Variants in KIAA2012 observed in about 807,000 individuals in gnomAD.
The protein encoded by KIAA2012 is uncharacterized protein KIAA2012.
KIAA2012 carries 125 observed loss-of-function variants against 150.6 expected under a neutral mutation model. The observed-to-expected ratio is 0.83, with a 90% CI of 0.72 to 0.96. The LOEUF (loss-of-function observed/expected upper bound fraction) is 0.96, where lower values mean the gene tolerates loss of function less well. KIAA2012 is among the 40% of genes least tolerant of loss of function. KIAA2012 has a pLI of 0.00. For synonymous variants in KIAA2012, 462 were observed against 504.7 expected, an observed-to-expected ratio of 0.92 and a Z score of 1.13; for missense variants, 1,219 against 1,354.9, an observed-to-expected ratio of 0.90 and a Z score of 1.57.
chr2:202,118,558 G>A (rs1690580960), intron 11 of KIAA2012, among the ~76,000 whole-genome samples: 1 of 151,982 alleles, frequency 6.6e-6, no homozygotes, highest in Non-Finnish European at 1.5e-5. Flanking sequence ...GGCAGTTACT[G>A]TATAGTAACT....
At chr2:202,183,959 A>AT (rs1451722289) in intron 15 of KIAA2012, among the ~76,000 whole-genome samples, 1 of 152,046 alleles carries the variant, frequency 6.6e-6, no homozygotes, top group African/African-American at 2.4e-5. Flanking sequence ...TGTAGTTTAT[A>AT]TTTTTACTTG....
At position 202,133,126 on chromosome 2, in the gene KIAA2012, A is replaced by T. The variant is rs1187612214; in HGVS notation, c.1832-5306A>T. 1.2e-3 allele frequency among the ~76,000 whole-genome samples: 84 copies of T among 72,534 alleles called. 4 individuals carry two copies. Among genetic ancestry groups the T allele is most frequent in the African/African-American group, 4.1e-3 (74 of 17,890 alleles). 47.6% of individuals were successfully genotyped at this position (72,534 alleles called of 152,430 possible). On this transcript the variant is annotated intron_variant, in intron 12 of 23. Transcript: ENST00000498697. ...TAAAAAAAAATATATATATATATAT[A>T]TATATTTTTTTTTTTTCTGGAGAAT...
intron 15 of KIAA2012, among the ~76,000 whole-genome samples, chr2:202,174,761 T>G (rs1691958306): frequency 6.6e-6 from 1 of 152,238 alleles, no homozygotes; most frequent in South Asian, 2.1e-4. Context: ...TATTCATATA[T>G]ACTTGAGAAC....
chr2:202,078,040 C>G (rs1252826086), intron 2 of KIAA2012, among the ~76,000 whole-genome samples: 1 of 152,204 alleles, frequency 6.6e-6, no homozygotes, highest in Non-Finnish European at 1.5e-5. Flanking sequence ...CTAAAAGGGG[C>G]TGATACCTTT....
Position 202,194,325 on chromosome 2 carries a change from A to G in KIAA2012, c.3150A>G (p.Leu1050=), listed in dbSNP as rs1012086216. The stretch of plus-strand genomic sequence containing the variant: ...AGTTTCGGAGGAAACTGCGAGAACT[A>G]CAGAGAAAAAAGCAGCAGGAGGAAG... ...QEEFRRKLRE[L]QRKKQQEEAE... The change falls in exon 21 of 24, where the codon CTA becomes CTG. Residue 1050 remains leucine, a synonymous_variant. Coordinates refer to ENST00000498697, the MANE Select transcript of KIAA2012 (RefSeq NM_001277372.4). The G allele has an allele frequency of 1.9e-6, 3 of 1,550,308 alleles. No homozygotes were observed. The highest frequency in any genetic ancestry group is 1.4e-5 in the African/African-American group (1 of 73,006).
chr2:202,160,415 G>A (rs897844100), intron 14 of KIAA2012, among the ~76,000 whole-genome samples: 17 of 147,788 alleles, frequency 1.2e-4, no homozygotes, highest in African/African-American at 4.0e-4. Context: ...CCGGGTTCAC[G>A]CCATTCTCCT....
intron 12 of KIAA2012, among the ~76,000 whole-genome samples, chr2:202,131,727 T>C (rs1373411469): frequency 6.6e-6 from 1 of 152,142 alleles, no homozygotes; most frequent in Non-Finnish European, 1.5e-5. Context: ...AAGGATGCTC[T>C]AGGAGAAAGG....
chr2:202,202,124 T>C (rs1574321409), intron 22 of KIAA2012, among the ~76,000 whole-genome samples: 1 of 152,302 alleles, frequency 6.6e-6, no homozygotes, highest in South Asian at 2.1e-4. Flanking sequence ...AGTGCTGCGA[T>C]TGCAGGCATG....
chr2:202,153,161 A>G (rs920742599), intron 13 of KIAA2012, among the ~76,000 whole-genome samples: 1 of 152,176 alleles, frequency 6.6e-6, no homozygotes, highest in Non-Finnish European at 1.5e-5. Flanking sequence ...GCCAATATGT[A>G]TCAAGTGTGT....
chr2:202,078,272 G>A (rs1246222990), intron 2 of KIAA2012, among the ~76,000 whole-genome samples: 5 of 152,226 alleles, frequency 3.3e-5, no homozygotes, highest in Admixed American at 6.5e-5. Context: ...AATAACATGA[G>A]AAAATCTGCA....
chr2:202,117,268 T>C (rs560533940), intron 11 of KIAA2012, among the ~76,000 whole-genome samples: 439 of 152,374 alleles, frequency 2.9e-3, no homozygotes, highest in African/African-American at 1.0e-2. Context: ...GTCTGTGATT[T>C]GGTTGACAGA....
rs1690009489 is a variant in KIAA2012, at chr2:202,100,319, AC to A, written c.1026del (p.Asn342LysfsTer2). 2 of 1,550,236 alleles carry A rather than the reference AC, an allele frequency of 1.3e-6. No homozygotes were observed. Among genetic ancestry groups the A allele is most frequent in the Non-Finnish European group, 1.7e-6 (2 of 1,146,798 alleles). On this transcript the variant is annotated frameshift_variant, in exon 7 of 24. Coordinates refer to ENST00000498697, the MANE Select transcript of KIAA2012 (RefSeq NM_001277372.4). LOFTEE classifies it high-confidence loss of function. The part of the protein sequence containing the change: ...RKADLSDKQR[N>X]VKLHKARSSH... ...CCTGTTTTTAAAGATAAACAAAGGA[AC>A]GTGAAACTCCACAAGGCCAGAAGCA...
chr2:202,106,576 A>C (rs892039012), intron 9 of KIAA2012, among the ~76,000 whole-genome samples: 2 of 151,980 alleles, frequency 1.3e-5, no homozygotes, highest in Admixed American at 6.6e-5. Flanking sequence ...AATCCCCGCT[A>C]CTCGGGTGGC....
At chr2:202,135,497 G>C (rs919907949) in intron 12 of KIAA2012, among the ~76,000 whole-genome samples, 3 of 152,196 alleles carry the variant, frequency 2.0e-5, no homozygotes, top group East Asian at 1.9e-4. Flanking sequence ...CTGTCTACCA[G>C]GAATGCAGTT....
Position 202,100,341 on chromosome 2 carries a change from A to G in KIAA2012, c.1047A>G (p.Arg349=). Residue 349 remains arginine (R), a synonymous_variant, in exon 7 of 24, where the codon AGA becomes AGG. Transcript: ENST00000498697. ...KQRNVKLHKA[R]SSHLLQVLPA... ...GGAACGTGAAACTCCACAAGGCCAG[A>G]AGCAGCCACTTGTTACAGGTGCTTC... The G allele has an allele frequency of 6.4e-7, 1 of 1,550,620 alleles. No homozygotes were observed. Among genetic ancestry groups the G allele is most frequent in the Non-Finnish European group, 8.7e-7 (1 of 1,146,986 alleles).
chr2:202,087,737 TTTCAGAGGTCACATCTGGG>T (rs1689606427), intron 2 of KIAA2012, among the ~76,000 whole-genome samples: 1 of 152,088 alleles, frequency 6.6e-6, no homozygotes. Flanking sequence ...GGTCCCATAC[TTTCAGAGGTCACATCTGGG>T]TTCAAAGCAG....
At chr2:202,119,330 A>G (rs1314909546) in intron 11 of KIAA2012, among the ~76,000 whole-genome samples, 1 of 152,142 alleles carries the variant, frequency 6.6e-6, no homozygotes, top group Non-Finnish European at 1.5e-5. Flanking sequence ...CATTTTTTGA[A>G]GAAAAAATCA....
At chr2:202,202,000 C>T (rs1200572086) in intron 22 of KIAA2012, 6 of 591,726 alleles carry the variant, frequency 1.0e-5, no homozygotes, top group South Asian at 6.2e-5. Flanking sequence ...CGTTACCCAA[C>T]GCCTGAGTGG....
At chr2:202,149,377 CG>C (rs1167577898) in intron 13 of KIAA2012, among the ~76,000 whole-genome samples, 1 of 152,212 alleles carries the variant, frequency 6.6e-6, no homozygotes, top group African/African-American at 2.4e-5. Flanking sequence ...AAGGCTCCCC[CG>C]ACCCGCTCTT....
Sources: gnomAD v4.1 joint callset for allele counts (sites outside exome capture counted in the v4.1 genomes callset) on GRCh38, gnomAD v4.1.1 for gene constraint, MANE v1.5 for transcripts, NCBI Gene and HGNC (gene_info 2026-07-23, HGNC 2026-07-21) for gene names.